The following UVRAG variants were observed in gnomAD, a reference collection of about 807,000 sequenced individuals.
UVRAG encodes the protein UV radiation resistance associated, also known as UV radiation resistance-associated gene protein.
UVRAG carries 19 observed loss-of-function variants against 78.0 expected under a neutral mutation model. That is an observed-to-expected ratio of 0.24 (90% CI 0.17 to 0.36). UVRAG has a LOEUF of 0.36. Among genes scored for constraint, UVRAG ranks in the 10% least tolerant of loss-of-function variants. The pLI is 1.00. For synonymous variants in UVRAG, 323 were observed against 324.6 expected, an observed-to-expected ratio of 1.00 and a Z score of 0.05; for missense variants, 740 against 853.8, an observed-to-expected ratio of 0.87 and a Z score of 1.66.
intron 12 of UVRAG, among the ~76,000 whole-genome samples, chr11:76,051,952 T>C (rs1183058440): frequency 6.6e-6 from 1 of 152,216 alleles, no homozygotes; most frequent in African/African-American, 2.4e-5. Context: ...TACCTTCCTA[T>C]GCAACTTCAA....
At position 76,066,120 on chromosome 11, in the gene UVRAG, C is replaced by T. The variant is rs1378207141; in HGVS notation, c.1305+332C>T. ...CTTGACCAATTGTAATTTTCTTAGA[C>T]TATTTCTAGGGACTCAATTTGCATT... On this transcript the variant is annotated intron_variant, in intron 13 of 14. Transcript: ENST00000356136. Among the ~76,000 whole-genome samples the T allele has an allele frequency of 3.9e-5, 6 of 152,236 alleles. No individual in the cohort carries two copies. The South Asian group carries it at 8.3e-4, about 21-fold the overall frequency.
chr11:75,956,245 GT>G (rs1489233322), intron 6 of UVRAG, among the ~76,000 whole-genome samples: 2 of 151,730 alleles, frequency 1.3e-5, no homozygotes, highest in African/African-American at 4.9e-5. Context: ...GTAGACATAC[GT>G]TTTTTATTTT....
intron 13 of UVRAG, among the ~76,000 whole-genome samples, chr11:76,069,572 CAG>C (rs1951261395): frequency 6.6e-6 from 1 of 152,248 alleles, no homozygotes; most frequent in African/African-American, 2.4e-5. Flanking sequence ...TTTTAATTCT[CAG>C]AGCATAAAAA....
At chr11:75,995,765 C>T (rs12292349) in intron 8 of UVRAG, among the ~76,000 whole-genome samples, 182 of 152,098 alleles carry the variant, frequency 1.2e-3, no homozygotes, top group African/African-American at 4.3e-3. Context: ...AAAGTTACTT[C>T]TCAGTTTTTA....
intron 5 of UVRAG, among the ~76,000 whole-genome samples, chr11:75,890,777 G>A (rs973688278): frequency 6.6e-6 from 1 of 152,268 alleles, no homozygotes; most frequent in Middle Eastern, 3.4e-3. Context: ...AGGAAGAAAG[G>A]GGGCTAGGTA....
intron 12 of UVRAG, among the ~76,000 whole-genome samples, chr11:76,025,615 T>C (rs1190218127): frequency 6.6e-6 from 1 of 152,138 alleles, no homozygotes; most frequent in Admixed American, 6.6e-5. Flanking sequence ...TGATTTTGTG[T>C]ACTTATGTTT....
chr11:76,053,843 G>A (rs922374688), intron 12 of UVRAG, among the ~76,000 whole-genome samples: 1 of 151,716 alleles, frequency 6.6e-6, no homozygotes, highest in Non-Finnish European at 1.5e-5. Flanking sequence ...GGTGGCATGC[G>A]CCTGTAATCC....
chr11:75,850,640 A>T (rs1026460441), intron 1 of UVRAG, among the ~76,000 whole-genome samples: 1 of 152,242 alleles, frequency 6.6e-6, no homozygotes, highest in Non-Finnish European at 1.5e-5. Flanking sequence ...TGATTATTGT[A>T]TGCAGATAAT....
intron 12 of UVRAG, among the ~76,000 whole-genome samples, chr11:76,059,353 A>G (rs1951038262): frequency 5.3e-5 from 8 of 152,242 alleles, no homozygotes; most frequent in Admixed American, 5.2e-4. Context: ...TTCAGTTTTT[A>G]GAAACCTACT....
intron 5 of UVRAG, among the ~76,000 whole-genome samples, chr11:75,892,639 G>A (rs1947238630): frequency 6.6e-6 from 1 of 152,098 alleles, no homozygotes; most frequent in South Asian, 2.1e-4. Flanking sequence ...CGTAATTAGT[G>A]GTGTACTTTC....
intron 12 of UVRAG, among the ~76,000 whole-genome samples, chr11:76,031,504 G>A (rs2135400724): frequency 6.6e-6 from 1 of 152,240 alleles, no homozygotes; most frequent in South Asian, 2.1e-4. Context: ...CTTTTATAGT[G>A]CTGATGTTAT....
intron 8 of UVRAG, among the ~76,000 whole-genome samples, chr11:75,992,727 A>G (rs964390273): frequency 9.9e-5 from 15 of 152,212 alleles, no homozygotes. Context: ...TATTCTAAAC[A>G]TATACTATTA....
intron 2 of UVRAG, among the ~76,000 whole-genome samples, chr11:75,853,292 A>G (rs1946201215): frequency 6.6e-6 from 1 of 152,076 alleles, no homozygotes; most frequent in Non-Finnish European, 1.5e-5. Context: ...TCTGCTCATT[A>G]AAAAATTGAG....
At chr11:76,046,971 A>T (rs182765094) in intron 12 of UVRAG, among the ~76,000 whole-genome samples, 82 of 147,912 alleles carry the variant, frequency 5.5e-4, no homozygotes, top group Middle Eastern at 3.4e-3. Flanking sequence ...TTATTTTGAT[A>T]AAAAAACATT....
intron 6 of UVRAG, among the ~76,000 whole-genome samples, chr11:75,929,183 G>A (rs1302225839): frequency 2.0e-5 from 3 of 152,134 alleles, no homozygotes; most frequent in African/African-American, 7.2e-5. Flanking sequence ...AGATTGCTGT[G>A]TGATAAACTT....
intron 6 of UVRAG, among the ~76,000 whole-genome samples, chr11:75,932,296 T>TATTG (rs534761822): frequency 0.015 from 2,299 of 151,660 alleles, 60 homozygotes; most frequent in African/African-American, 0.053. Flanking sequence ...TTTATTTATT[T>TATTG]ATTTATTGAG....
At position 75,823,139 on chromosome 11, in the gene UVRAG, A is replaced by G. The variant is rs567764485; in HGVS notation, c.117+7615A>G. Among the ~76,000 whole-genome samples, 31 of 152,206 alleles carry G rather than the reference A, an allele frequency of 2.0e-4. 2 individuals are homozygous for G. In the Middle Eastern group the frequency reaches 0.014, roughly 67 times the overall value. ...ACCCCTATGGCACCCAGGGAATGAC[A>G]GAGGTTTTAAGAGCTCTGCACCAGG... On this transcript the variant is annotated intron_variant, in intron 1 of 14. Coordinates refer to ENST00000356136, the MANE Select transcript of UVRAG (RefSeq NM_003369.4).
intron 3 of UVRAG, among the ~76,000 whole-genome samples, chr11:75,864,060 C>CTT (rs748128698): frequency 2.1e-5 from 3 of 141,374 alleles, no homozygotes; most frequent in South Asian, 2.2e-4. Flanking sequence ...GTTCTATTAA[C>CTT]TTTTTTTTTT....
At chr11:75,824,659 G>C (rs1046388207) in intron 1 of UVRAG, among the ~76,000 whole-genome samples, 1 of 147,958 alleles carries the variant, frequency 6.8e-6, no homozygotes, top group Non-Finnish European at 1.5e-5. Flanking sequence ...GGGAGAAAAA[G>C]AAGTTTGTCA....
Sources: gnomAD v4.1 joint callset for allele counts (sites outside exome capture counted in the v4.1 genomes callset) on GRCh38, gnomAD v4.1.1 for gene constraint, MANE v1.5 for transcripts, NCBI Gene and HGNC (gene_info 2026-07-23, HGNC 2026-07-21) for gene names.